The following PLAGL1 variants were observed in gnomAD, a reference collection of about 807,000 sequenced individuals.
The protein encoded by PLAGL1 is zinc finger protein PLAGL1.
PLAGL1 carries 1 observed loss-of-function variant against 4.6 expected under a neutral mutation model. That is an observed-to-expected ratio of 0.22 (90% CI 0.08 to 1.03). PLAGL1 has a LOEUF of 1.03. Ranked by LOEUF, PLAGL1 falls within the 50% of genes least tolerant of loss-of-function variation. The pLI is 0.58. For synonymous variants in PLAGL1, 240 were observed against 237.8 expected (o/e 1.01, Z -0.08); for missense variants, 464 against 570.4 (o/e 0.81, Z 1.90).
rs1783448099 is a variant in PLAGL1, at chr6:143,961,855, GC to G, written c.-398-1314del. On this transcript the variant is annotated intron_variant, in intron 5 of 7. Coordinates refer to ENST00000674357, the MANE Select transcript of PLAGL1 (RefSeq NM_001317162.2). The surrounding 1 kb of genome is among the most constrained non-coding windows in gnomAD (Gnocchi z 6.5). Reference sequence around the variant, plus strand: ...AATACCAATTTATGTATTCAAAGAGGCAGGGGTTCTTCTGCTTCCCAGGAAA... The same window carrying G: ...AATACCAATTTATGTATTCAAAGAGGAGGGGTTCTTCTGCTTCCCAGGAAA... Among the ~76,000 whole-genome samples, 1 of 152,310 alleles carries G rather than the reference GC, an allele frequency of 6.6e-6. No homozygotes were observed. Among genetic ancestry groups the G allele is most frequent in the South Asian group, 2.1e-4 (1 of 4,832 alleles).
Position 143,948,278 on chromosome 6 carries a change from G to T in PLAGL1, c.-142C>A. The T allele has an allele frequency of 1.4e-6, 1 of 692,222 alleles. No homozygotes were observed. The highest frequency in any genetic ancestry group is 1.8e-5 in the South Asian group (1 of 54,448). 42.9% of individuals were successfully genotyped at this position (692,222 alleles called of 1,614,324 possible). A position where few individuals can be genotyped will look rare whatever the true frequency, so the allele number is the denominator to read the frequency against. On this transcript the variant is annotated 5_prime_UTR_variant, in exon 7 of 8. Coordinates refer to ENST00000674357, the MANE Select transcript of PLAGL1 (RefSeq NM_001317162.2). This position sits in a 1 kb window ranked among gnomAD's most constrained non-coding sequence, Gnocchi z 6.0. The stretch of plus-strand genomic sequence containing the variant: ...GACCACGGGAGAGGCAGCATCGTGG[G>T]CCTGGTTCTACCCAGACATGGACCT...
Position 143,963,456 on chromosome 6 carries a change from C to T in PLAGL1, c.-399+1331G>A, listed in dbSNP as rs543597119. 2.2e-4 allele frequency among the ~76,000 whole-genome samples: 33 copies of T among 152,308 alleles called. No homozygotes were observed. The highest frequency in any genetic ancestry group is 7.2e-4 in the African/African-American group (30 of 41,572). On this transcript the variant is annotated intron_variant, in intron 5 of 7. Transcript: ENST00000674357. This position sits in a 1 kb window ranked among gnomAD's most constrained non-coding sequence, Gnocchi z 6.1. ...GCTATGCAATAGCCATCAGAGCTCC[C>T]GGATCCTCACCAGGTGATGGCTACT...
Position 144,015,507 on chromosome 6 carries a change from T to C in PLAGL1, c.-150-46529A>G, listed in dbSNP as rs140897469. 1.3e-5 allele frequency among the ~76,000 whole-genome samples: 2 copies of C among 152,328 alleles called. No homozygotes were observed. Among genetic ancestry groups the C allele is most frequent in the East Asian group, 3.9e-4 (2 of 5,186 alleles). ...AAAATCTAAGCCACATGGGAAAAAG[T>C]CTTCACAATGCATATATCTGACATA... is the stretch of plus-strand genomic sequence containing the variant. On this transcript the variant is annotated intron_variant, in intron 1 of 3. Transcript: ENST00000437412. This position sits in a 1 kb window ranked among gnomAD's most constrained non-coding sequence, Gnocchi z 4.3.
In PLAGL1 at chr6:144,018,144, C is replaced by T. The variant is rs141785151; in HGVS notation, c.-151+46324G>A. ...TTATCAATGGATGCTAAAACTACTTCGGGGAACATTGAAGAGGAATAGGAT... is the reference window on the plus strand; with the variant it reads ...TTATCAATGGATGCTAAAACTACTTTGGGGAACATTGAAGAGGAATAGGAT... On this transcript the variant is annotated intron_variant, in intron 1 of 3. Transcript: ENST00000437412. Among the ~76,000 whole-genome samples the T allele has an allele frequency of 2.0e-4, 31 of 152,182 alleles. No homozygotes were observed. The East Asian group carries it at 2.3e-3, about 11-fold the overall frequency.
At position 143,970,243 on chromosome 6, in the gene PLAGL1, A is replaced by G. The variant is rs1439291268; in HGVS notation, c.-543-1265T>C. On this transcript the variant is annotated intron_variant, in intron 2 of 7. Transcript: ENST00000674357. The surrounding 1 kb of genome is among the most constrained non-coding windows in gnomAD (Gnocchi z 5.8). ...ATGCAAAAGGCATAAACTTTTAGGT[A>G]TAAGCTGAGTTTGGGTTTTTCCTCC... 6.6e-6 allele frequency among the ~76,000 whole-genome samples: 1 copy of G among 152,240 alleles called. No individual in the cohort carries two copies. The highest frequency in any genetic ancestry group is 1.5e-5 in the Non-Finnish European group (1 of 68,044).
At position 144,051,877 on chromosome 6, in the gene PLAGL1, T is replaced by G. The variant is rs556354470; in HGVS notation, c.-151+12591A>C. ...ATAATTTAATCACCTCCCACTGGGT[T>G]ACTCCCACGACATGTGGGAATTGTG... On this transcript the variant is annotated intron_variant, in intron 1 of 3. Transcript: ENST00000437412. Among the ~76,000 whole-genome samples, 12 of 152,364 alleles carry G rather than the reference T, an allele frequency of 7.9e-5. No individual in the cohort carries two copies. In the South Asian group the frequency reaches 2.3e-3, roughly 29 times the overall value.
intron 6 of PLAGL1, among the ~76,000 whole-genome samples, chr6:143,956,345 G>C (rs1231753492): frequency 1.3e-5 from 2 of 152,160 alleles, no homozygotes; most frequent in African/African-American, 4.8e-5. Context: ...CCTTGTGGGG[G>C]CATGGAATTC....
chr6:143,942,315 G>C lies in PLAGL1; in HGVS notation c.501C>G (p.Thr167=). Residue 167 remains threonine, a synonymous_variant, in exon 8 of 8, where the codon ACC becomes ACG. Transcript: ENST00000674357. The surrounding 1 kb of genome is among the most constrained non-coding windows in gnomAD (Gnocchi z 7.6). The part of the protein sequence containing the change: ...QCDHCERCFY[T]RKDVRRHLVV... ...CCAGGTGGCGTCGCACATCCTTCCG[G>C]GTGTAGAAGCATCTTTCACAGTGGT... 1 of 1,614,108 alleles carries C rather than the reference G, an allele frequency of 6.2e-7. No homozygotes were observed. The highest frequency in any genetic ancestry group is 8.5e-7 in the Non-Finnish European group (1 of 1,180,000).
chr6:144,038,402 A>G (rs1032075445), intron 1 of PLAGL1, among the ~76,000 whole-genome samples: 6 of 152,198 alleles, frequency 3.9e-5, no homozygotes, highest in Non-Finnish European at 5.9e-5. Context: ...GAACAAAGTT[A>G]AGGGGCCATC....
In PLAGL1 at chr6:143,981,292, A is replaced by G. The variant is rs1031087831; in HGVS notation, c.-544+3843T>C. Among the ~76,000 whole-genome samples the G allele has an allele frequency of 7.2e-5, 11 of 152,186 alleles. No homozygotes were observed. The East Asian group carries it at 2.1e-3, about 29-fold the overall frequency. ...GGGGACACACTCTTCACTGCCTTAT[A>G]TGAGCTACTTTCTTCTTCCCAGTGC... On this transcript the variant is annotated intron_variant, in intron 2 of 7. Coordinates refer to ENST00000674357, the MANE Select transcript of PLAGL1 (RefSeq NM_001317162.2).
chr6:143,944,711 ATATG>A (rs1779377089), intron 7 of PLAGL1, among the ~76,000 whole-genome samples: 1 of 38,694 alleles, frequency 2.6e-5, no homozygotes, highest in Admixed American at 4.2e-4. Context: ...CAGGATATCC[ATATG>A]TATATATATA....
rs1259875885 is a variant in PLAGL1 at position 143,949,184 on chromosome 6, C to T, written c.-324-724G>A. ...GACCTTTCTTCATTCCCTGGCCCTA[C>T]CCTGGAGGGCCCATCCAGCTACCTG... is the stretch of plus-strand genomic sequence containing the variant. On this transcript the variant is annotated intron_variant, in intron 6 of 7. Transcript: ENST00000674357. The surrounding 1 kb of genome is among the most constrained non-coding windows in gnomAD (Gnocchi z 5.3). Among the ~76,000 whole-genome samples the T allele has an allele frequency of 6.6e-6, 1 of 152,156 alleles. No individual in the cohort carries two copies. Among genetic ancestry groups the T allele is most frequent in the Non-Finnish European group, 1.5e-5 (1 of 68,030 alleles).
upstream of PLAGL1, chr6:144,008,730 C>A (rs556110894): frequency 6.6e-6 from 1 of 152,438 alleles, no homozygotes; most frequent in African/African-American, 2.4e-5. This position sits in a 1 kb window ranked among gnomAD's most constrained non-coding sequence, Gnocchi z 6.9. Flanking sequence ...GCCAAACTAA[C>A]TTACCTCCTG....
chr6:144,007,403 A>C (rs1456113576), intron 1 of PLAGL1: 1 of 152,220 alleles, frequency 6.6e-6, no homozygotes. Flanking sequence ...TCCTGGAAGA[A>C]GGAGGACCTA....
upstream of PLAGL1, chr6:144,008,928 C>T (rs1794909007): frequency 6.6e-6 from 1 of 152,218 alleles, no homozygotes; most frequent in African/African-American, 2.4e-5. The surrounding 1 kb of genome is among the most constrained non-coding windows in gnomAD (Gnocchi z 6.9). Context: ...TACGGTATCA[C>T]ACTACGTCTG....
At position 143,963,426 on chromosome 6, in the gene PLAGL1, G is replaced by A. The variant is rs1351339087; in HGVS notation, c.-399+1361C>T. Among the ~76,000 whole-genome samples, 1 of 152,146 alleles carries A rather than the reference G, an allele frequency of 6.6e-6. No homozygotes were observed. The highest frequency in any genetic ancestry group is 1.5e-5 in the Non-Finnish European group (1 of 68,036). On this transcript the variant is annotated intron_variant, in intron 5 of 7. Transcript: ENST00000674357. The surrounding 1 kb of genome is among the most constrained non-coding windows in gnomAD (Gnocchi z 6.1). ...CCAGCACTGCCTGTTCTAGCTAATGGCACCGCTATGCAATAGCCATCAGAG... is the reference window on the plus strand; with the variant it reads ...CCAGCACTGCCTGTTCTAGCTAATGACACCGCTATGCAATAGCCATCAGAG...
chr6:144,025,430 T>A (rs1796265173), intron 1 of PLAGL1, among the ~76,000 whole-genome samples: 1 of 152,106 alleles, frequency 6.6e-6, no homozygotes, highest in South Asian at 2.1e-4. Context: ...TACTTAATAA[T>A]AATATGTATC....
In PLAGL1 at chr6:144,022,466, C is replaced by T. The variant is rs921155012; in HGVS notation, c.-151+42002G>A. Reference sequence around the variant, plus strand: ...AAAATGGTACAGCCACTTTGGAAGACAGTTTGGCAATTTATTACAAAGCTA... The same window carrying T: ...AAAATGGTACAGCCACTTTGGAAGATAGTTTGGCAATTTATTACAAAGCTA... On this transcript the variant is annotated intron_variant, in intron 1 of 3. Transcript: ENST00000437412. The surrounding 1 kb of genome is among the most constrained non-coding windows in gnomAD (Gnocchi z 4.2). 4.6e-5 allele frequency among the ~76,000 whole-genome samples: 7 copies of T among 152,202 alleles called. No homozygotes were observed. The highest frequency in any genetic ancestry group is 1.4e-4 in the African/African-American group (6 of 41,444).
upstream of PLAGL1, among the ~76,000 whole-genome samples, chr6:144,010,486 C>T (rs1350512525): frequency 6.6e-6 from 1 of 152,200 alleles, no homozygotes; most frequent in Non-Finnish European, 1.5e-5. The surrounding 1 kb of genome is among the most constrained non-coding windows in gnomAD (Gnocchi z 4.1). Flanking sequence ...ATTCCATGCT[C>T]ATGGATTGGA....
Sources: allele counts gnomAD v4.1 joint callset (sites outside exome capture counted in the v4.1 genomes callset), GRCh38; gene constraint gnomAD v4.1.1; non-coding constraint Gnocchi (gnomAD v3.1); transcripts MANE v1.5; gene names NCBI Gene and HGNC (gene_info 2026-07-23, HGNC 2026-07-21).